Variants in PAPPA2 observed in about 807,000 individuals in gnomAD.
The protein encoded by PAPPA2 is pappalysin 2.
PAPPA2 carries 86 observed loss-of-function variants against 176.4 expected under a neutral mutation model. The observed-to-expected ratio is 0.49, with a 90% confidence interval of 0.41 to 0.58. The LOEUF is 0.58. PAPPA2 is among the 20% of genes least tolerant of loss of function. The pLI is 0.00. For synonymous variants in PAPPA2, 809 were observed against 852.2 expected, an observed-to-expected ratio of 0.95 and a Z score of 0.88; for missense variants, 2,073 against 2,256.9, an observed-to-expected ratio of 0.92 and a Z score of 1.65.
At chr1:176,816,541 A>G (rs1571369762) in intron 21 of PAPPA2, among the ~76,000 whole-genome samples, 1 of 146,146 alleles carries the variant, frequency 6.8e-6, no homozygotes, top group African/African-American at 2.5e-5. Flanking sequence ...TCATCCATCC[A>G]TTTTCCAGTT....
chr1:176,741,763 A>C (rs936985904), intron 14 of PAPPA2, among the ~76,000 whole-genome samples: 1 of 152,238 alleles, frequency 6.6e-6, no homozygotes, highest in Non-Finnish European at 1.5e-5. Context: ...CTGCAACTTT[A>C]AAGTCTTCTT....
chr1:176,723,563 A>G (rs1661725226), intron 12 of PAPPA2, among the ~76,000 whole-genome samples: 1 of 152,086 alleles, frequency 6.6e-6, no homozygotes. Context: ...TTGATTTGAT[A>G]CACAAATATG....
intron 2 of PAPPA2, among the ~76,000 whole-genome samples, chr1:176,589,453 T>C (rs953865455): frequency 6.6e-6 from 1 of 152,214 alleles, no homozygotes; most frequent in Non-Finnish European, 1.5e-5. Flanking sequence ...AAACTCAGAT[T>C]AAGTACAAGG....
In PAPPA2 at chr1:176,508,586, T is replaced by TA. The variant is rs372014749; in HGVS notation, c.-917+45179dup. Among the ~76,000 whole-genome samples the TA allele has an allele frequency of 3.7e-3, 546 of 147,232 alleles. 4 individuals are homozygous for TA. Among genetic ancestry groups the TA allele is most frequent in the African/African-American group, 0.012 (500 of 40,336 alleles). ...AATGAAGTATATATAGGAAAAAAAG[T>TA]AAAAAAAAAAATAATGAATAGAGTC... On this transcript the variant is annotated intron_variant, in intron 1 of 22. Coordinates refer to ENST00000367662, the MANE Select transcript of PAPPA2 (RefSeq NM_020318.3).
chr1:176,535,827 T>C (rs933430988), intron 1 of PAPPA2, among the ~76,000 whole-genome samples: 2 of 152,216 alleles, frequency 1.3e-5, no homozygotes, highest in Non-Finnish European at 2.9e-5. Context: ...TATGAGATAT[T>C]GCACAAATAG....
chr1:176,543,258 AT>A (rs780173299), intron 1 of PAPPA2, among the ~76,000 whole-genome samples: 18 of 152,134 alleles, frequency 1.2e-4, no homozygotes, highest in Non-Finnish European at 2.4e-4. Flanking sequence ...ATGTGTGTCA[AT>A]GGAAAGTGCT....
In PAPPA2 at chr1:176,651,276, C is replaced by T. The variant is rs536776668; in HGVS notation, c.1992-19694C>T. 9.9e-5 allele frequency among the ~76,000 whole-genome samples: 15 copies of T among 150,800 alleles called. No homozygotes were observed. In the South Asian group the frequency reaches 1.5e-3, roughly 15 times the overall value. On this transcript the variant is annotated intron_variant, in intron 3 of 22. Transcript: ENST00000367662. The stretch of plus-strand genomic sequence containing the variant: ...TGCATATTAGTGTTTTTTTTTCAGA[C>T]GGAAGAACTCTTTAGCATTTCTTAT...
At chr1:176,646,071 A>C (rs1304412628) in intron 3 of PAPPA2, among the ~76,000 whole-genome samples, 2 of 151,274 alleles carry the variant, frequency 1.3e-5, no homozygotes, top group Admixed American at 6.6e-5. Flanking sequence ...TTTCCTTTGC[A>C]GTGCAAAAGT....
intron 12 of PAPPA2, among the ~76,000 whole-genome samples, chr1:176,719,080 A>G (rs1372833342): frequency 6.6e-6 from 1 of 152,110 alleles, no homozygotes; most frequent in Non-Finnish European, 1.5e-5. Context: ...TTTAGAGGCT[A>G]TCTTATTAAA....
At chr1:176,699,656 C>T (rs1425602540) in intron 8 of PAPPA2, 67 bp downstream of exon 8, 2 of 1,519,310 alleles carry the variant, frequency 1.3e-6, no homozygotes, top group East Asian at 4.5e-5. Context: ...ACTTTTCCCC[C>T]ACTTTTTAAT....
intron 1 of PAPPA2, among the ~76,000 whole-genome samples, chr1:176,522,009 C>A (rs1268478215): frequency 6.6e-6 from 1 of 152,110 alleles, no homozygotes; most frequent in Non-Finnish European, 1.5e-5. Flanking sequence ...GACTCCCCAA[C>A]ATTACTATGA....
chr1:176,735,141 A>G (rs1662338080), intron 12 of PAPPA2, among the ~76,000 whole-genome samples: 2 of 152,064 alleles, frequency 1.3e-5, no homozygotes, highest in Admixed American at 1.3e-4. Flanking sequence ...TCTTGAGGCT[A>G]CTGTTGTTCA....
At chr1:176,515,209 A>G (rs1648840274) in intron 1 of PAPPA2, among the ~76,000 whole-genome samples, 1 of 152,218 alleles carries the variant, frequency 6.6e-6, no homozygotes, top group South Asian at 2.1e-4. Context: ...TATCATCATT[A>G]TCACTGGTGG....
chr1:176,730,242 T>C (rs1444978107), intron 12 of PAPPA2, among the ~76,000 whole-genome samples: 3 of 151,968 alleles, frequency 2.0e-5, no homozygotes, highest in South Asian at 4.1e-4. Context: ...TAAAACCAAC[T>C]GGTATGGGGC....
intron 15 of PAPPA2, among the ~76,000 whole-genome samples, chr1:176,768,908 T>C (rs1290416699): frequency 6.6e-6 from 1 of 152,162 alleles, no homozygotes; most frequent in Non-Finnish European, 1.5e-5. Context: ...GGCTTATTAA[T>C]AAGAGTGCCA....
At chr1:176,614,505 C>G (rs1177717601) in intron 3 of PAPPA2, among the ~76,000 whole-genome samples, 1 of 152,136 alleles carries the variant, frequency 6.6e-6, no homozygotes, top group Admixed American at 6.5e-5. Flanking sequence ...TAATTTCCTC[C>G]CTGTCAGTTT....
At chr1:176,638,376 G>T (rs1288396302) in intron 3 of PAPPA2, among the ~76,000 whole-genome samples, 7 of 152,036 alleles carry the variant, frequency 4.6e-5, no homozygotes, top group Non-Finnish European at 1.0e-4. Flanking sequence ...AAACTGAGTG[G>T]CAAGAAGGAG....
intron 1 of PAPPA2, among the ~76,000 whole-genome samples, chr1:176,506,906 C>CTAAAG (rs1352192969): frequency 6.6e-6 from 1 of 151,918 alleles, no homozygotes; most frequent in Non-Finnish European, 1.5e-5. Context: ...GGCTAAGTCC[C>CTAAAG]TAAAGGCAAT....
At chr1:176,503,493 C>T (rs981066638) in intron 1 of PAPPA2, among the ~76,000 whole-genome samples, 1 of 152,094 alleles carries the variant, frequency 6.6e-6, no homozygotes. Context: ...TTTGGGTGGC[C>T]ATTCTTCTTT....
Sources: gnomAD v4.1 joint callset for allele counts (sites outside exome capture counted in the v4.1 genomes callset) on GRCh38, gnomAD v4.1.1 for gene constraint, MANE v1.5 for transcripts, NCBI Gene and HGNC (gene_info 2026-07-23, HGNC 2026-07-21) for gene names.